Variants in ATP6V0D1 observed in about 807,000 individuals in gnomAD.
The protein encoded by ATP6V0D1 is ATPase H+ transporting V0 subunit d1, also known as V-type proton ATPase subunit d 1.
ATP6V0D1 carries 13 observed loss-of-function variants against 39.0 expected under a neutral mutation model. That is an observed-to-expected ratio of 0.33 (90% CI 0.22 to 0.53). ATP6V0D1 has a LOEUF of 0.53. Ranked by LOEUF, ATP6V0D1 falls within the 20% of genes least tolerant of loss-of-function variation. The pLI is 0.94. For synonymous variants in ATP6V0D1, 191 were observed against 191.2 expected, an observed-to-expected ratio of 1.00 and a Z score of 0.01; for missense variants, 272 against 470.9, an observed-to-expected ratio of 0.58 and a Z score of 3.91.
In ATP6V0D1 at chr16:67,444,702, T is replaced by G; in HGVS notation, c.307A>C (p.Ser103Arg). The part of the protein sequence containing the change: ...LASFLDFITY[S>R]YMIDNVILLI... ...AGGATCACGTTGTCGATCATGTAAC[T>G]GTAACTACAGGGGGCAGGCAATAGC... Residue 103 changes from serine to arginine, a missense_variant, in exon 3 of 8, where the codon AGT (serine) becomes CGT (arginine). By Grantham distance (110) the Ser-to-Arg change is moderately radical. Transcript: ENST00000290949. The surrounding 1 kb of genome is among the most constrained non-coding windows in gnomAD (Gnocchi z 4.8). The G allele has an allele frequency of 6.3e-7, 1 of 1,594,246 alleles. No individual in the cohort carries two copies. Among genetic ancestry groups the G allele is most frequent in the Non-Finnish European group, 8.6e-7 (1 of 1,166,350 alleles).
At chr16:67,463,135 C>G (rs2041302085) in intron 1 of ATP6V0D1, among the ~76,000 whole-genome samples, 4 of 152,236 alleles carry the variant, frequency 2.6e-5, no homozygotes, top group Admixed American at 1.3e-4. Flanking sequence ...ACTCATTTTG[C>G]TTTGACCTAG....
intron 2 of ATP6V0D1, among the ~76,000 whole-genome samples, chr16:67,448,392 G>A (rs1764779452): frequency 6.6e-6 from 1 of 152,118 alleles, no homozygotes; most frequent in East Asian, 1.9e-4. Context: ...GGGTGCTGTG[G>A]CTCATGCCTG....
chr16:67,449,554 G>A (rs2041154391), intron 2 of ATP6V0D1, among the ~76,000 whole-genome samples: 1 of 152,226 alleles, frequency 6.6e-6, no homozygotes, highest in Non-Finnish European at 1.5e-5. Flanking sequence ...TACTTCAGGG[G>A]CCCTATCTCA....
chr16:67,479,869 C>T (rs1483575332), intron 1 of ATP6V0D1, among the ~76,000 whole-genome samples: 1 of 152,172 alleles, frequency 6.6e-6, no homozygotes, highest in African/African-American at 2.4e-5. Flanking sequence ...TTAGGGACAC[C>T]TCTAACTCAG....
chr16:67,453,480 C>T lies in ATP6V0D1; in HGVS notation c.302+64G>A, dbSNP rs1567537403. On this transcript the variant is annotated intron_variant, in intron 2 of 7. Coordinates refer to ENST00000290949, the MANE Select transcript of ATP6V0D1 (RefSeq NM_004691.5). This position sits in a 1 kb window ranked among gnomAD's most constrained non-coding sequence, Gnocchi z 4.1. ...CAGCTAGCCTAAGCCACACTGAACC[C>T]AGCTCCTGCAGGTGTAGCTATCCTG... The T allele has an allele frequency of 2.5e-6, 4 of 1,578,970 alleles. No individual in the cohort carries two copies. Among genetic ancestry groups the T allele is most frequent in the Non-Finnish European group, 3.5e-6 (4 of 1,156,764 alleles).
At chr16:67,449,784 AG>A (rs1301886601) in intron 2 of ATP6V0D1, among the ~76,000 whole-genome samples, 1 of 152,232 alleles carries the variant, frequency 6.6e-6, no homozygotes, top group Non-Finnish European at 1.5e-5. Context: ...CACTGCATCC[AG>A]GCACCTCCCT....
In ATP6V0D1 at chr16:67,444,864, C is replaced by T. The variant is rs2041096881; in HGVS notation, c.303-158G>A. Reference sequence around the variant, plus strand: ...ATAAGCACCAGTGTCTCCTCTCCCTCCCCATGTTCCTCTCAAGCTTCTGAC... The same window carrying T: ...ATAAGCACCAGTGTCTCCTCTCCCTTCCCATGTTCCTCTCAAGCTTCTGAC... On this transcript the variant is annotated intron_variant, in intron 2 of 7. Transcript: ENST00000290949. This position sits in a 1 kb window ranked among gnomAD's most constrained non-coding sequence, Gnocchi z 4.8. Among the ~76,000 whole-genome samples, 1 of 152,196 alleles carries T rather than the reference C, an allele frequency of 6.6e-6. No individual in the cohort carries two copies. Among genetic ancestry groups the T allele is most frequent in the Admixed American group, 6.5e-5 (1 of 15,286 alleles).
chr16:67,460,294 C>T (rs2041278962), intron 1 of ATP6V0D1, among the ~76,000 whole-genome samples: 1 of 152,158 alleles, frequency 6.6e-6, no homozygotes, highest in South Asian at 2.1e-4. Flanking sequence ...GGACAGATGG[C>T]CAGGCTGGTG....
chr16:67,442,692 C>T (rs2041066977), intron 4 of ATP6V0D1, among the ~76,000 whole-genome samples: 1 of 152,076 alleles, frequency 6.6e-6, no homozygotes, highest in Non-Finnish European at 1.5e-5. Context: ...CAGATCCCTC[C>T]CCCCACCATA....
rs1426109669 is a variant in ATP6V0D1 at position 67,439,439 on chromosome 16, T to C, written c.562-88A>G. ...AAGCCCTCACAGCTCCCTCCTCCCCTCCCTAGCCCCTTTCAAGGTGGGTAC... is the reference window on the plus strand; with the variant it reads ...AAGCCCTCACAGCTCCCTCCTCCCCCCCCTAGCCCCTTTCAAGGTGGGTAC... On this transcript the variant is annotated intron_variant, in intron 4 of 7. Transcript: ENST00000290949. 17 of 1,272,634 alleles carry C rather than the reference T, an allele frequency of 1.3e-5. No homozygotes were observed. The East Asian group carries it at 4.2e-4, about 31-fold the overall frequency. 78.8% of individuals were successfully genotyped at this position (1,272,634 alleles called of 1,614,324 possible). A position where few individuals can be genotyped will look rare whatever the true frequency, so the allele number is the denominator to read the frequency against.
chr16:67,476,664 G>A (rs1010989494), intron 1 of ATP6V0D1, among the ~76,000 whole-genome samples: 1 of 152,134 alleles, frequency 6.6e-6, no homozygotes, highest in Admixed American at 6.5e-5. Flanking sequence ...CCGATGAAAC[G>A]ATGGCTTCAG....
At chr16:67,475,976 T>C (rs2041411161) in intron 1 of ATP6V0D1, among the ~76,000 whole-genome samples, 2 of 152,174 alleles carry the variant, frequency 1.3e-5, no homozygotes, top group Admixed American at 1.3e-4. Context: ...ACACCTGTAA[T>C]CCCAGCACTT....
chr16:67,449,458 A>AT (rs1374820606), intron 2 of ATP6V0D1, among the ~76,000 whole-genome samples: 1 of 152,244 alleles, frequency 6.6e-6, no homozygotes, highest in Non-Finnish European at 1.5e-5. Context: ...CAGCAAGGTA[A>AT]TGACTGGGCT....
chr16:67,479,912 C>A (rs2142339709), intron 1 of ATP6V0D1, among the ~76,000 whole-genome samples: 1 of 138,928 alleles, frequency 7.2e-6, no homozygotes. Flanking sequence ...CAGAAGTCAA[C>A]GCCACGGCCG....
intron 1 of ATP6V0D1, among the ~76,000 whole-genome samples, chr16:67,464,183 T>C (rs1458724220): frequency 2.6e-5 from 4 of 152,192 alleles, no homozygotes; most frequent in Non-Finnish European, 5.9e-5. Context: ...CTAGATCCCA[T>C]GTGGCAAGGC....
rs776596995 is a variant in ATP6V0D1, at chr16:67,453,502, C to A, written c.302+42G>T. 116 of 1,606,380 alleles carry A rather than the reference C, an allele frequency of 7.2e-5. No individual in the cohort carries two copies. The highest frequency in any genetic ancestry group is 9.7e-5 in the Non-Finnish European group (114 of 1,174,928). ...ACCCAGCTCCTGCAGGTGTAGCTATCCTGCCCAGGTAAGAGAAGAAGGCGC... is the reference window on the plus strand; with the variant it reads ...ACCCAGCTCCTGCAGGTGTAGCTATACTGCCCAGGTAAGAGAAGAAGGCGC... On this transcript the variant is annotated intron_variant, in intron 2 of 7. Transcript: ENST00000290949. The surrounding 1 kb of genome is among the most constrained non-coding windows in gnomAD (Gnocchi z 4.1).
intron 1 of ATP6V0D1, among the ~76,000 whole-genome samples, chr16:67,460,274 G>A (rs568142655): frequency 2.3e-4 from 35 of 152,202 alleles, no homozygotes; most frequent in Non-Finnish European, 4.6e-4. Flanking sequence ...TCAGACAGAT[G>A]GACCAATGTG....
At chr16:67,478,766 T>C (rs1220060069) in intron 1 of ATP6V0D1, among the ~76,000 whole-genome samples, 2 of 151,484 alleles carry the variant, frequency 1.3e-5, no homozygotes, top group African/African-American at 4.9e-5. Context: ...ATAGGAAAAA[T>C]GTGTAGAAAG....
intron 4 of ATP6V0D1, 137 bp downstream of exon 4, chr16:67,442,962 T>G: frequency 1.1e-6 from 1 of 885,166 alleles, no homozygotes; most frequent in Non-Finnish European, 1.8e-6. Flanking sequence ...AGCCAGAGAA[T>G]AAGCAGTAAG....
Sources: allele counts gnomAD v4.1 joint callset (sites outside exome capture counted in the v4.1 genomes callset), GRCh38; gene constraint gnomAD v4.1.1; non-coding constraint Gnocchi (gnomAD v3.1); transcripts MANE v1.5; gene names NCBI Gene and HGNC (gene_info 2026-07-23, HGNC 2026-07-21).